Variants in ATP8B4 observed in about 807,000 individuals in gnomAD.
The protein encoded by ATP8B4 is probable phospholipid-transporting ATPase IM.
A neutral mutation model predicts 145.6 loss-of-function variants in ATP8B4; 133 were observed. The observed-to-expected ratio is 0.91, with a 90% confidence interval of 0.79 to 1.05. The LOEUF (loss-of-function observed/expected upper bound fraction) is 1.05, where lower values mean the gene tolerates loss of function less well. Among genes scored for constraint, ATP8B4 ranks in the 50% least tolerant of loss-of-function variants. The pLI is 0.00. For synonymous variants in ATP8B4, 507 were observed against 492.9 expected (o/e 1.03, Z -0.38); for missense variants, 1,458 against 1,425.2 (o/e 1.02, Z -0.37).
At chr15:50,035,533 T>G (rs1224489077) in intron 6 of ATP8B4, among the ~76,000 whole-genome samples, 1 of 152,090 alleles carries the variant, frequency 6.6e-6, no homozygotes, top group African/African-American at 2.4e-5. Flanking sequence ...GGCCTTAATC[T>G]CCTCATCTTT....
intron 15 of ATP8B4, 62 bp from the exon 16 acceptor site, chr15:49,931,369 A>C (rs1347422010): frequency 2.7e-6 from 4 of 1,479,996 alleles, no homozygotes; most frequent in Non-Finnish European, 3.7e-6. Flanking sequence ...TAGAGTTCCA[A>C]TGCCAACTCC....
At chr15:49,920,854 C>T (rs1403554065) in intron 17 of ATP8B4, among the ~76,000 whole-genome samples, 2 of 152,198 alleles carry the variant, frequency 1.3e-5, no homozygotes, top group Non-Finnish European at 2.9e-5. Context: ...CCATAGTCCT[C>T]AAATCAAAGG....
chr15:50,087,426 T>C (rs1600296869), intron 2 of ATP8B4, among the ~76,000 whole-genome samples: 1 of 146,676 alleles, frequency 6.8e-6, no homozygotes, highest in East Asian at 2.0e-4. Context: ...ACATATCATA[T>C]ATATTTGATA....
At chr15:49,885,381 G>A (rs562902913) in intron 23 of ATP8B4, among the ~76,000 whole-genome samples, 1 of 152,062 alleles carries the variant, frequency 6.6e-6, no homozygotes, top group Non-Finnish European at 1.5e-5. Context: ...TAACAATTCT[G>A]ATATTATCTT....
At chr15:49,974,429 A>G (rs563236714) in intron 12 of ATP8B4, among the ~76,000 whole-genome samples, 1 of 145,846 alleles carries the variant, frequency 6.9e-6, no homozygotes, top group East Asian at 2.0e-4. Context: ...GGGTCTTGCT[A>G]TGTTGCCCAG....
chr15:50,064,481 A>G (rs1051632256), intron 3 of ATP8B4, among the ~76,000 whole-genome samples: 11 of 152,284 alleles, frequency 7.2e-5, no homozygotes, highest in African/African-American at 2.4e-4. Context: ...ACAAAACTGT[A>G]TACACTTCCT....
intron 20 of ATP8B4, among the ~76,000 whole-genome samples, chr15:49,915,599 A>G (rs1454095588): frequency 6.6e-6 from 1 of 152,156 alleles, no homozygotes; most frequent in South Asian, 2.1e-4. Context: ...TTGTATATCA[A>G]TTTAAAGAGT....
At position 49,901,159 on chromosome 15, in the gene ATP8B4, T is replaced by C; in HGVS notation, c.2222A>G (p.Glu741Gly). 6.2e-7 allele frequency: 1 copy of C among 1,613,596 alleles called. No homozygotes were observed. The change falls in exon 21 of 28, where the codon GAG (glutamate) becomes GGG (glycine). Residue 741 changes from glutamate (E) to glycine (G), a missense_variant. Transcript: ENST00000284509. ...GGTTTCTTCTACAATAGAATCCAACTCCAGCTGCTGCTTTTTTTCACAAAC... is the reference window on the plus strand; with the variant it reads ...GGTTTCTTCTACAATAGAATCCAACCCCAGCTGCTGCTTTTTTTCACAAAC... ...HVVCEKKQQLELDSIVEETIT... is the reference protein window; with the variant it reads ...HVVCEKKQQLGLDSIVEETIT...
intron 14 of ATP8B4, among the ~76,000 whole-genome samples, chr15:49,936,218 G>A (rs557765182): frequency 6.6e-6 from 1 of 152,262 alleles, no homozygotes; most frequent in East Asian, 1.9e-4. Context: ...TGTTTGTCAG[G>A]TCTGCTGCTC....
rs547272862 is a variant in ATP8B4 at position 50,027,873 on chromosome 15, A to C, written c.362+10895T>G. 5.9e-5 allele frequency among the ~76,000 whole-genome samples: 9 copies of C among 152,152 alleles called. No individual in the cohort carries two copies. In the South Asian group the frequency reaches 1.9e-3, roughly 32 times the overall value. ...CCATGCTATAATGAAATGACTTTGA[A>C]CTCAACAACGTTATTTGAGGACCTA... On this transcript the variant is annotated intron_variant, in intron 6 of 27. Transcript: ENST00000284509.
At chr15:50,177,001 C>A (rs923359599) in intron 1 of ATP8B4, among the ~76,000 whole-genome samples, 1 of 152,170 alleles carries the variant, frequency 6.6e-6, no homozygotes, top group Non-Finnish European at 1.5e-5. Context: ...CCTGCACATC[C>A]TGTATGCCTA....
intron 2 of ATP8B4, among the ~76,000 whole-genome samples, chr15:50,089,823 G>A (rs999865820): frequency 5.9e-5 from 9 of 151,830 alleles, no homozygotes; most frequent in South Asian, 2.1e-4. Context: ...AAAGACCTAC[G>A]GGCAGAAATA....
intron 15 of ATP8B4, among the ~76,000 whole-genome samples, chr15:49,932,763 T>C (rs2041378973): frequency 1.3e-5 from 2 of 151,950 alleles, no homozygotes; most frequent in Admixed American, 1.3e-4. Flanking sequence ...CCAGTACCTG[T>C]CTAAGGTGAG....
At chr15:50,135,882 G>A (rs4774555) in intron 1 of ATP8B4, among the ~76,000 whole-genome samples, 150,481 of 152,316 alleles carry the variant, frequency 0.99, 74,357 homozygotes, top group East Asian at 1. Flanking sequence ...ATTCTCACTG[G>A]TAAACTCATA....
At chr15:49,933,115 C>T (rs962631131) in intron 15 of ATP8B4, among the ~76,000 whole-genome samples, 1 of 151,476 alleles carries the variant, frequency 6.6e-6, no homozygotes, top group Admixed American at 6.6e-5. Flanking sequence ...AAATTAAGTT[C>T]AAAGTAAAAT....
At chr15:50,105,223 A>G (rs1445590594) in intron 2 of ATP8B4, among the ~76,000 whole-genome samples, 1 of 149,092 alleles carries the variant, frequency 6.7e-6, no homozygotes, top group African/African-American at 2.5e-5. Context: ...GTAACCAAAC[A>G]CTACCTATTC....
chr15:50,156,071 TAA>T (rs527873494), intron 1 of ATP8B4, among the ~76,000 whole-genome samples: 35,987 of 62,380 alleles, frequency 0.58, 7,275 homozygotes, highest in East Asian at 0.69. Flanking sequence ...AATAAATAAA[TAA>T]ATATATATAT....
chr15:50,135,382 G>A (rs573749269), intron 1 of ATP8B4, among the ~76,000 whole-genome samples: 8 of 152,132 alleles, frequency 5.3e-5, no homozygotes, highest in African/African-American at 1.4e-4. Flanking sequence ...ATCACTTGAC[G>A]GTGTCACACT....
chr15:50,020,197 T>G (rs1262143039), intron 6 of ATP8B4, among the ~76,000 whole-genome samples: 1 of 151,836 alleles, frequency 6.6e-6, no homozygotes, highest in East Asian at 1.9e-4. Context: ...TCAAGTGATC[T>G]GCTTGCCTTG....
Sources: allele counts gnomAD v4.1 joint callset (sites outside exome capture counted in the v4.1 genomes callset), GRCh38; gene constraint gnomAD v4.1.1; transcripts MANE v1.5; gene names NCBI Gene and HGNC (gene_info 2026-07-23, HGNC 2026-07-21).